The following KLHL29 variants were observed in gnomAD, a reference collection of about 807,000 sequenced individuals.
KLHL29 encodes kelch-like protein 29.
KLHL29 carries 21 observed loss-of-function variants against 80.4 expected under a neutral mutation model. The ratio of observed to expected loss-of-function variants is 0.26; its 90% CI spans 0.19 to 0.38. KLHL29 has a LOEUF of 0.38. KLHL29 is among the 10% of genes least tolerant of loss of function. The probability of loss-of-function intolerance (pLI) is 1.00; values close to 1 mark genes in which losing one functional copy is unlikely to be tolerated. For missense variants in KLHL29, 867 were observed against 1,223.9 expected (o/e 0.71, Z 4.35); for synonymous variants, 511 against 526.8 (o/e 0.97, Z 0.41).
intron 1 of KLHL29, among the ~76,000 whole-genome samples, chr2:23,400,282 C>T (rs1197179392): frequency 6.6e-6 from 1 of 152,146 alleles, no homozygotes; most frequent in Non-Finnish European, 1.5e-5. Context: ...GTTTGGGTGG[C>T]CTGTCCCCAG....
intron 2 of KLHL29, among the ~76,000 whole-genome samples, chr2:23,483,480 AG>A (rs1328693999): frequency 6.6e-6 from 1 of 152,228 alleles, no homozygotes; most frequent in Non-Finnish European, 1.5e-5. Flanking sequence ...GAAAGCTCAC[AG>A]GGCATTGGCC....
At chr2:23,494,208 T>G (rs898306306) in intron 2 of KLHL29, among the ~76,000 whole-genome samples, 1 of 152,216 alleles carries the variant, frequency 6.6e-6, no homozygotes, top group African/African-American at 2.4e-5. Context: ...GTACTGAGGC[T>G]CTTTCTTCAC....
At chr2:23,607,330 G>T (rs751596576) in intron 3 of KLHL29, among the ~76,000 whole-genome samples, 1 of 152,158 alleles carries the variant, frequency 6.6e-6, no homozygotes, top group Non-Finnish European at 1.5e-5. Context: ...TTGAAAGGTG[G>T]TCACTCTGAC....
intron 3 of KLHL29, among the ~76,000 whole-genome samples, chr2:23,627,087 T>G (rs141034282): frequency 8.1e-4 from 124 of 152,296 alleles, no homozygotes; most frequent in Non-Finnish European, 1.3e-3. Flanking sequence ...AGTATCTATC[T>G]GCCCCAAGAG....
intron 1 of KLHL29, among the ~76,000 whole-genome samples, chr2:23,453,288 G>A (rs562043178): frequency 6.6e-6 from 1 of 152,312 alleles, no homozygotes; most frequent in East Asian, 1.9e-4. Context: ...CGTCACAGGA[G>A]CTGTGTCTTC....
intron 3 of KLHL29, among the ~76,000 whole-genome samples, chr2:23,611,444 CCT>C (rs1192893160): frequency 1.3e-5 from 2 of 152,156 alleles, no homozygotes; most frequent in Non-Finnish European, 2.9e-5. Flanking sequence ...TGAGGAGCTG[CCT>C]CTCTGCTTCA....
At chr2:23,423,739 C>T (rs1394108787) in intron 1 of KLHL29, among the ~76,000 whole-genome samples, 1 of 151,984 alleles carries the variant, frequency 6.6e-6, no homozygotes, top group Non-Finnish European at 1.5e-5. Flanking sequence ...TGGGCCTCAG[C>T]TGGTGCCCCG....
intron 2 of KLHL29, among the ~76,000 whole-genome samples, chr2:23,496,756 T>C (rs377136149): frequency 2.0e-5 from 3 of 152,206 alleles, no homozygotes; most frequent in African/African-American, 7.2e-5. Flanking sequence ...GTGGCAATGC[T>C]TGGGGGAAAG....
chr2:23,551,171 A>G (rs892984213), intron 2 of KLHL29, among the ~76,000 whole-genome samples: 2 of 152,192 alleles, frequency 1.3e-5, no homozygotes, highest in Admixed American at 1.3e-4. Flanking sequence ...TTCCTAATTT[A>G]TACACGCCTC....
chr2:23,696,224 A>C lies in KLHL29; in HGVS notation c.1924+91A>C. The C allele has an allele frequency of 1.3e-6, 2 of 1,491,320 alleles. No homozygotes were observed. The highest frequency in any genetic ancestry group is 9.1e-7 in the Non-Finnish European group (1 of 1,102,148). The allele number at this position is 1,491,320 out of a possible 1,614,324, so 92.4% of individuals were successfully genotyped here. On this transcript the variant is annotated intron_variant, in intron 10 of 13. Coordinates refer to ENST00000486442, the MANE Select transcript of KLHL29 (RefSeq NM_052920.2). The surrounding 1 kb of genome is among the most constrained non-coding windows in gnomAD (Gnocchi z 5.5). ...AGGGCTGAGGAAGGCCATGGCCCAG[A>C]AGTGTCTACTTTGCAGGTGAAGCCT...
At chr2:23,563,764 C>T (rs777693408) in intron 3 of KLHL29, among the ~76,000 whole-genome samples, 1 of 152,198 alleles carries the variant, frequency 6.6e-6, no homozygotes, top group African/African-American at 2.4e-5. Flanking sequence ...CTATTGGAGG[C>T]TGGCTCGGAG....
chr2:23,659,250 TG>T (rs984022870), intron 5 of KLHL29, among the ~76,000 whole-genome samples: 1 of 152,188 alleles, frequency 6.6e-6, no homozygotes, highest in African/African-American at 2.4e-5. Flanking sequence ...GCAGCGGCGC[TG>T]GGGGACTTAC....
At chr2:23,612,592 A>T (rs1392895467) in intron 3 of KLHL29, among the ~76,000 whole-genome samples, 1 of 152,062 alleles carries the variant, frequency 6.6e-6, no homozygotes, top group East Asian at 1.9e-4. Context: ...AAATACAAAA[A>T]TTAGGTGGTC....
At chr2:23,557,546 TGG>T (rs1667329216) in intron 2 of KLHL29, among the ~76,000 whole-genome samples, 1 of 151,868 alleles carries the variant, frequency 6.6e-6, no homozygotes, top group Non-Finnish European at 1.5e-5. Context: ...ACGGGAGTGG[TGG>T]GAGGTGCGGG....
chr2:23,657,010 T>C (rs2149167184), intron 5 of KLHL29, among the ~76,000 whole-genome samples: 1 of 151,418 alleles, frequency 6.6e-6, no homozygotes, highest in African/African-American at 2.4e-5. Context: ...GAACCTCTAG[T>C]CTTAGGGCTT....
At chr2:23,627,498 A>G (rs1488482423) in intron 3 of KLHL29, among the ~76,000 whole-genome samples, 2 of 152,272 alleles carry the variant, frequency 1.3e-5, no homozygotes, top group African/African-American at 4.8e-5. Context: ...AATCTAGGCT[A>G]CCGTCCTGAG....
intron 3 of KLHL29, among the ~76,000 whole-genome samples, chr2:23,630,450 T>G (rs570164030): frequency 2.0e-5 from 3 of 152,100 alleles, no homozygotes; most frequent in Non-Finnish European, 4.4e-5. Context: ...AGACCCGGGT[T>G]AGAGTCCCAG....
At chr2:23,688,399 C>A (rs532849280) in intron 6 of KLHL29, among the ~76,000 whole-genome samples, 2 of 152,342 alleles carry the variant, frequency 1.3e-5, no homozygotes, top group Admixed American at 6.5e-5. Flanking sequence ...CCAGTTCCAA[C>A]TTGCAAAATG....
At chr2:23,451,664 G>A (rs1401516182) in intron 1 of KLHL29, among the ~76,000 whole-genome samples, 1 of 152,204 alleles carries the variant, frequency 6.6e-6, no homozygotes, top group Non-Finnish European at 1.5e-5. Flanking sequence ...CTCCAGGTGG[G>A]AGACGGAGGG....
Sources: gnomAD v4.1 joint callset for allele counts (sites outside exome capture counted in the v4.1 genomes callset) on GRCh38, gnomAD v4.1.1 for gene constraint, Gnocchi (gnomAD v3.1) non-coding constraint, MANE v1.5 for transcripts, NCBI Gene and HGNC (gene_info 2026-07-23, HGNC 2026-07-21) for gene names.